The following SLX4IP variants were observed in gnomAD, a reference collection of about 807,000 sequenced individuals.
The protein encoded by SLX4IP is protein SLX4IP.
SLX4IP carries 34 observed loss-of-function variants against 32.9 expected under a neutral mutation model. The ratio of observed to expected loss-of-function variants is 1.03; its 90% CI spans 0.79 to 1.38. The LOEUF is 1.38. SLX4IP is among the 40% of genes most tolerant of loss of function. SLX4IP has a pLI of 0.00. For synonymous variants in SLX4IP, 172 were observed against 171.7 expected (o/e 1.00, Z -0.01); for missense variants, 444 against 479.0 (o/e 0.93, Z 0.68).
intron 2 of SLX4IP, among the ~76,000 whole-genome samples, chr20:10,472,057 T>A (rs1055812639): frequency 1.3e-5 from 2 of 152,206 alleles, no homozygotes; most frequent in Admixed American, 6.5e-5. Context: ...TAACTGCCTC[T>A]TGATGGAAGG....
chr20:10,500,034 T>G (rs1000382413), intron 2 of SLX4IP, among the ~76,000 whole-genome samples: 1 of 152,104 alleles, frequency 6.6e-6, no homozygotes, highest in Non-Finnish European at 1.5e-5. Flanking sequence ...CAGAAGATTA[T>G]GTAGAACCCT....
intron 4 of SLX4IP, among the ~76,000 whole-genome samples, chr20:10,566,283 A>ATTTTT (rs59907123): frequency 7.2e-5 from 7 of 97,860 alleles, no homozygotes; most frequent in African/African-American, 1.3e-4. Flanking sequence ...AACTGATTAC[A>ATTTTT]TTTTTTTTTT....
chr20:10,457,065 CAT>C (rs913624185), intron 1 of SLX4IP, among the ~76,000 whole-genome samples: 82 of 152,162 alleles, frequency 5.4e-4, no homozygotes, highest in African/African-American at 1.9e-3. Flanking sequence ...AAATATTTAT[CAT>C]ATATCCTACA....
intron 2 of SLX4IP, among the ~76,000 whole-genome samples, chr20:10,473,427 C>A (rs774370122): frequency 2.6e-5 from 4 of 152,086 alleles, no homozygotes; most frequent in Non-Finnish European, 5.9e-5. Flanking sequence ...TAAAAGGATT[C>A]GTATAAAGTG....
intron 2 of SLX4IP, among the ~76,000 whole-genome samples, chr20:10,509,530 A>G (rs2065788057): frequency 6.6e-6 from 1 of 152,210 alleles, no homozygotes; most frequent in South Asian, 2.1e-4. Flanking sequence ...CAAGTGTGGT[A>G]GGATATCGCC....
chr20:10,617,894 G>T (rs2067057306), intron 6 of SLX4IP, among the ~76,000 whole-genome samples: 1 of 151,762 alleles, frequency 6.6e-6, no homozygotes, highest in South Asian at 2.1e-4. Flanking sequence ...TCCTACCTTG[G>T]CCTCCCAAAG....
At chr20:10,516,042 C>G (rs1181683913) in intron 2 of SLX4IP, among the ~76,000 whole-genome samples, 1 of 152,150 alleles carries the variant, frequency 6.6e-6, no homozygotes, top group Admixed American at 6.6e-5. Flanking sequence ...GCATGTGCTA[C>G]CACACCTGGC....
intron 2 of SLX4IP, among the ~76,000 whole-genome samples, chr20:10,484,376 C>T (rs1193723356): frequency 6.6e-6 from 1 of 152,116 alleles, no homozygotes; most frequent in Non-Finnish European, 1.5e-5. Flanking sequence ...CCTTCACTTC[C>T]TCCTTTAGCT....
At chr20:10,558,516 A>G (rs902671877) in intron 3 of SLX4IP, among the ~76,000 whole-genome samples, 16 of 152,194 alleles carry the variant, frequency 1.1e-4, no homozygotes, top group Admixed American at 3.3e-4. Flanking sequence ...TTGGGATTTT[A>G]TGAGCAACCA....
intron 6 of SLX4IP, among the ~76,000 whole-genome samples, chr20:10,605,036 T>G (rs945160298): frequency 1.3e-5 from 2 of 152,236 alleles, no homozygotes; most frequent in African/African-American, 4.8e-5. Context: ...CAATATTTTC[T>G]TATTTACAAA....
intron 2 of SLX4IP, among the ~76,000 whole-genome samples, chr20:10,518,225 TA>T (rs1421069528): frequency 1.4e-4 from 22 of 152,370 alleles, no homozygotes; most frequent in African/African-American, 4.8e-4. Context: ...GTTAGGAAGA[TA>T]TACTTGCTAA....
At chr20:10,621,064 C>G (rs1600165224) in intron 6 of SLX4IP, among the ~76,000 whole-genome samples, 1 of 152,304 alleles carries the variant, frequency 6.6e-6, no homozygotes, top group African/African-American at 2.4e-5. Flanking sequence ...TTGGAATCAA[C>G]ATTATTTGCC....
At chr20:10,461,142 G>A (rs983199948) in intron 2 of SLX4IP, among the ~76,000 whole-genome samples, 1 of 152,204 alleles carries the variant, frequency 6.6e-6, no homozygotes, top group Admixed American at 6.5e-5. Context: ...TTCCAAGACT[G>A]AGCCCTGGTA....
intron 7 of SLX4IP, among the ~76,000 whole-genome samples, chr20:10,622,314 C>T (rs1033522752): frequency 3.1e-5 from 3 of 96,426 alleles, no homozygotes; most frequent in Non-Finnish European, 7.5e-5. Context: ...CCTGAGTCTA[C>T]TCCTGGAAAA....
intron 3 of SLX4IP, among the ~76,000 whole-genome samples, chr20:10,559,161 C>T (rs1354592506): frequency 6.6e-6 from 1 of 151,600 alleles, no homozygotes; most frequent in Non-Finnish European, 1.5e-5. Context: ...GGCAAGGCTG[C>T]CTTTTTGTTG....
intron 6 of SLX4IP, among the ~76,000 whole-genome samples, chr20:10,603,395 G>A (rs1411098966): frequency 6.6e-6 from 1 of 152,162 alleles, no homozygotes; most frequent in African/African-American, 2.4e-5. Flanking sequence ...TAATCTGGAG[G>A]ACTTCCTAAA....
intron 4 of SLX4IP, among the ~76,000 whole-genome samples, chr20:10,576,249 C>T (rs899360021): frequency 3.9e-5 from 6 of 152,168 alleles, no homozygotes; most frequent in African/African-American, 1.4e-4. Context: ...GGAATTGACT[C>T]CCTTTGGTAC....
intron 2 of SLX4IP, among the ~76,000 whole-genome samples, chr20:10,497,366 C>T (rs1007190722): frequency 6.6e-6 from 1 of 152,076 alleles, no homozygotes; most frequent in Non-Finnish European, 1.5e-5. Context: ...AATTTTACAA[C>T]TTTAAAAAAA....
At chr20:10,597,210 G>C (rs894427218) in intron 4 of SLX4IP, among the ~76,000 whole-genome samples, 1 of 152,230 alleles carries the variant, frequency 6.6e-6, no homozygotes, top group African/African-American at 2.4e-5. Context: ...TGGAGAATCT[G>C]ATGGTCCTAG....
Sources: gnomAD v4.1 joint callset for allele counts (sites outside exome capture counted in the v4.1 genomes callset) on GRCh38, gnomAD v4.1.1 for gene constraint, MANE v1.5 for transcripts, NCBI Gene and HGNC (gene_info 2026-07-23, HGNC 2026-07-21) for gene names.